The following SPG11 variants were observed in gnomAD, a reference collection of about 807,000 sequenced individuals.
SPG11 encodes spatacsin.
Under a neutral mutation model 274.0 loss-of-function variants are expected in SPG11, and 222 were observed. The observed-to-expected ratio is 0.81, with a 90% confidence interval of 0.73 to 0.91. The LOEUF (loss-of-function observed/expected upper bound fraction) is 0.91, where lower values mean the gene tolerates loss of function less well. SPG11 is among the 40% of genes least tolerant of loss of function. The pLI is 0.00. For missense variants in SPG11, 3,114 were observed against 2,872.7 expected (o/e 1.08, Z -1.92); for synonymous variants, 1,144 against 1,039.7 (o/e 1.10, Z -1.93).
intron 5 of SPG11, 66 bp from the exon 6 acceptor site, chr15:44,652,005 C>T (rs2141107617): frequency 1.3e-6 from 2 of 1,570,910 alleles, no homozygotes; most frequent in Admixed American, 3.7e-5. Context: ...AAACACTAAA[C>T]CAGGGCAAAG....
intron 34 of SPG11, among the ~76,000 whole-genome samples, chr15:44,570,243 C>T (rs2082392994): frequency 6.6e-6 from 1 of 152,180 alleles, no homozygotes; most frequent in African/African-American, 2.4e-5. Flanking sequence ...GCTGTCTTAG[C>T]CCTCTATCTA....
intron 30 of SPG11, among the ~76,000 whole-genome samples, chr15:44,579,049 T>C (rs1347826871): frequency 6.6e-6 from 1 of 151,736 alleles, no homozygotes; most frequent in African/African-American, 2.4e-5. Flanking sequence ...TCCCAGCTAC[T>C]CGGGAGGCTG....
chr15:44,652,351 A>G, intron 4 of SPG11, 85 bp from the exon 5 acceptor site: 1 of 1,405,624 alleles, frequency 7.1e-7, no homozygotes, highest in Non-Finnish European at 9.9e-7. Flanking sequence ...TAAAAATAAG[A>G]GATTACAGAG....
chr15:44,642,749 AG>A (rs1357034729), intron 7 of SPG11, among the ~76,000 whole-genome samples: 3 of 152,212 alleles, frequency 2.0e-5, no homozygotes, highest in African/African-American at 7.2e-5. Context: ...ATATACCTAT[AG>A]TCCCAGCTAC....
At chr15:44,635,501 G>T (rs1240210007) in intron 7 of SPG11, among the ~76,000 whole-genome samples, 2 of 151,078 alleles carry the variant, frequency 1.3e-5, no homozygotes, top group African/African-American at 4.9e-5. Context: ...AACTACTGGG[G>T]ATGCTGAGGC....
intron 7 of SPG11, among the ~76,000 whole-genome samples, chr15:44,641,922 GAAAAAAAAAA>G (rs71111874): frequency 2.7e-4 from 15 of 55,906 alleles, no homozygotes; most frequent in Non-Finnish European, 4.9e-4. Context: ...CTGCTTAACA[GAAAAAAAAAA>G]AAAAAAAAAA....
At chr15:44,588,143 A>T (rs2082814337) in intron 28 of SPG11, among the ~76,000 whole-genome samples, 1 of 152,220 alleles carries the variant, frequency 6.6e-6, no homozygotes, top group Non-Finnish European at 1.5e-5. Context: ...TAACCCTAGT[A>T]GCCAAACTGT....
At chr15:44,568,111 G>T (rs2140918237) in intron 35 of SPG11, among the ~76,000 whole-genome samples, 1 of 152,274 alleles carries the variant, frequency 6.6e-6, no homozygotes, top group Non-Finnish European at 1.5e-5. Context: ...ATTATATATA[G>T]ATGTTTTCAG....
intron 24 of SPG11, 124 bp downstream of exon 24, chr15:44,596,660 C>CCAAA: frequency 3.7e-6 from 1 of 270,292 alleles, no homozygotes; most frequent in African/African-American, 6.0e-5. Flanking sequence ...GTATCCTGGT[C>CCAAA]AAAAAAAAAA....
rs569188659 is a variant in SPG11, at chr15:44,608,555, C to A, written c.3342G>T (p.Gln1114His). Reference sequence around the variant, plus strand: ...AAGGAGTTAATGCCATCTTCAATAGCTGGGGATCCACTTTCTTCAAACAGT... The same window carrying A: ...AAGGAGTTAATGCCATCTTCAATAGATGGGGATCCACTTTCTTCAAACAGT... ...NENCLKKVDPQLLKMALTPYP... is the reference protein window; with the variant it reads ...NENCLKKVDPHLLKMALTPYP... Residue 1114 changes from glutamine (Q) to histidine (H), a missense_variant, in exon 19 of 40, where the codon CAG (glutamine) becomes CAT (histidine). Coordinates refer to ENST00000261866, the MANE Select transcript of SPG11 (RefSeq NM_025137.4). The A allele has an allele frequency of 6.2e-7, 1 of 1,614,072 alleles. No homozygotes were observed. The highest frequency in any genetic ancestry group is 2.2e-5 in the East Asian group (1 of 44,862).
intron 7 of SPG11, among the ~76,000 whole-genome samples, chr15:44,639,758 T>C (rs1341946584): frequency 6.6e-6 from 1 of 152,058 alleles, no homozygotes; most frequent in Non-Finnish European, 1.5e-5. Flanking sequence ...AAGAAAACTA[T>C]ATTATTCTGA....
intron 13 of SPG11, 26 bp downstream of exon 13, chr15:44,622,194 T>A: frequency 6.2e-7 from 1 of 1,604,458 alleles, no homozygotes; most frequent in Non-Finnish European, 8.5e-7. Context: ...ATTCTAATAT[T>A]ATCAAAAGAG....
chr15:44,623,022 C>T (rs1411822794), intron 11 of SPG11, among the ~76,000 whole-genome samples: 1 of 152,144 alleles, frequency 6.6e-6, no homozygotes, highest in Non-Finnish European at 1.5e-5. Flanking sequence ...GATCACAGCT[C>T]ACTGCAGCCT....
chr15:44,589,360 C>T lies in SPG11; in HGVS notation c.4798G>A (p.Asp1600Asn), dbSNP rs770380861. ...HPVIPAMWLE[D>N]QVCFLLKLML... ...AGCTTCAAAAGGAAACACACCTGAT[C>T]CTCCAGCCACATGGCAGGGATGACA... Residue 1600 changes from aspartate to asparagine, a missense_variant, in exon 28 of 40, where the codon GAT becomes AAT. Asp to Asn is a conservative substitution (Grantham distance 23). Transcript: ENST00000261866. 17 of 1,614,056 alleles carry T rather than the reference C, an allele frequency of 1.1e-5. No homozygotes were observed. In the Admixed American group the frequency reaches 2.7e-4, roughly 25 times the overall value.
intron 18 of SPG11, among the ~76,000 whole-genome samples, chr15:44,609,783 G>GT (rs2083412548): frequency 6.6e-6 from 1 of 150,376 alleles, no homozygotes; most frequent in African/African-American, 2.4e-5. Flanking sequence ...CCAGGCTGGA[G>GT]TGCAGTGGTA....
Position 44,651,600 on chromosome 15 carries a change from G to A in SPG11, c.1347C>T (p.Thr449=), listed in dbSNP as rs3759874. ...FTWEVERMGY[T]ITLWDLETQG... is the part of the protein sequence containing the mutation. Reference sequence around the variant, plus strand: ...GGGTCTCCAAATCCCAGAGGGTAATGGTATAGCCCATCCTTTCCACTTCCC... The same window carrying A: ...GGGTCTCCAAATCCCAGAGGGTAATAGTATAGCCCATCCTTTCCACTTCCC... Residue 449 remains threonine, a synonymous_variant, in exon 6 of 40, where the codon ACC becomes ACT. Transcript: ENST00000261866. 17,081 of 1,614,178 alleles carry A rather than the reference G, an allele frequency of 0.011. 355 individuals carry two copies. Among genetic ancestry groups the A allele is most frequent in the East Asian group, 0.076 (3,432 of 44,886 alleles).
At position 44,598,738 on chromosome 15, in the gene SPG11, C is replaced by A. The variant is rs1057518874; in HGVS notation, c.3785G>T (p.Gly1262Val). 1 of 1,614,110 alleles carries A rather than the reference C, an allele frequency of 6.2e-7. No individual in the cohort carries two copies. Among genetic ancestry groups the A allele is most frequent in the Non-Finnish European group, 8.5e-7 (1 of 1,180,022 alleles). ...AACVCFLELLGLDSLKLRVDM... is the reference protein window; with the variant it reads ...AACVCFLELLVLDSLKLRVDM... ...AACTCTGAGCTTGAGGCTGTCAAGG[C>A]CAAGCAATTCTAAGAAACAAACACA... Residue 1262 changes from glycine to valine, a missense_variant, in exon 22 of 40, where the codon GGC becomes GTC. Transcript: ENST00000261866.
At chr15:44,570,329 G>C (rs1295091063) in intron 34 of SPG11, among the ~76,000 whole-genome samples, 196 bp downstream of exon 34, 5 of 152,150 alleles carry the variant, frequency 3.3e-5, no homozygotes, top group African/African-American at 4.8e-5. Context: ...TCGCTCCTTT[G>C]GAGCAACCTC....
chr15:44,633,324 CAAAAAAAAAAAAAAAAAAAAAAAAAAAA>C, intron 8 of SPG11, 153 bp downstream of exon 8: 1 of 107,644 alleles, frequency 9.3e-6, no homozygotes, highest in Non-Finnish European at 1.5e-5. Context: ...GACTCTGTCT[CAAAAAAAAAAAAAAAAAAAAAAAAAAAA>C]AAAAAAAAAA....
Sources: allele counts gnomAD v4.1 joint callset (sites outside exome capture counted in the v4.1 genomes callset), GRCh38; gene constraint gnomAD v4.1.1; transcripts MANE v1.5; gene names NCBI Gene and HGNC (gene_info 2026-07-23, HGNC 2026-07-21).